The following FXR1 variants were observed in gnomAD, a reference collection of about 807,000 sequenced individuals.
FXR1 encodes FMR1 autosomal homolog 1, also known as RNA-binding protein FXR1.
A neutral mutation model predicts 84.0 loss-of-function variants in FXR1; 15 were observed. The observed-to-expected ratio is 0.18, with a 90% CI of 0.12 to 0.27. The LOEUF is 0.27. Ranked by LOEUF, FXR1 falls within the 10% of genes least tolerant of loss-of-function variation. The probability of loss-of-function intolerance (pLI) is 1.00; values close to 1 mark genes in which losing one functional copy is unlikely to be tolerated. For missense variants in FXR1, 480 were observed against 774.4 expected, an observed-to-expected ratio of 0.62 and a Z score of 4.51; for synonymous variants, 245 against 250.7, an observed-to-expected ratio of 0.98 and a Z score of 0.21.
chr3:180,915,948 T>G (rs537151868), intron 1 of FXR1, among the ~76,000 whole-genome samples: 197 of 152,352 alleles, frequency 1.3e-3, no homozygotes, highest in African/African-American at 4.6e-3. Flanking sequence ...TAGTTAGAGA[T>G]ATTAGAAACT....
chr3:180,955,269 G>T (rs974182301), intron 9 of FXR1, among the ~76,000 whole-genome samples: 2 of 152,044 alleles, frequency 1.3e-5, no homozygotes, highest in Non-Finnish European at 1.5e-5. Context: ...AAAGTGCTGG[G>T]ATTACAGGCG....
rs1369870214 is a variant in FXR1 at position 180,920,002 on chromosome 3, C to T, written c.51+7266C>T. The stretch of plus-strand genomic sequence containing the variant: ...TAATTTATGCTATCAGTGTATTTAA[C>T]TTGCCTGCCATTCTCTATCTTCAGC... On this transcript the variant is annotated intron_variant, in intron 1 of 16. Coordinates refer to ENST00000357559, the MANE Select transcript of FXR1 (RefSeq NM_005087.4). Among the ~76,000 whole-genome samples, 3 of 152,200 alleles carry T rather than the reference C, an allele frequency of 2.0e-5. No individual in the cohort carries two copies. The East Asian group carries it at 5.8e-4, about 29-fold the overall frequency.
chr3:180,919,877 A>G (rs11717953), intron 1 of FXR1, among the ~76,000 whole-genome samples: 25,986 of 150,720 alleles, frequency 0.17, 2,460 homozygotes, highest in South Asian at 0.26. Flanking sequence ...CATATTGGCC[A>G]GGCTGGTCCC....
At chr3:180,915,671 T>C in intron 1 of FXR1, 1 of 702,918 alleles carries the variant, frequency 1.4e-6, no homozygotes. Flanking sequence ...TCTTACCCCG[T>C]ATAGGCAGAA....
chr3:180,921,266 G>C (rs1718555299), intron 1 of FXR1, among the ~76,000 whole-genome samples: 1 of 151,878 alleles, frequency 6.6e-6, no homozygotes, highest in East Asian at 1.9e-4. Flanking sequence ...TATTCTGGAG[G>C]CTGAGGCAGG....
rs1357592314 is a variant in FXR1 at position 180,961,357 on chromosome 3, AAAAAAAAAAAG to A, written c.991-110_991-100del. 63 of 425,748 alleles carry A rather than the reference AAAAAAAAAAAG, an allele frequency of 1.5e-4. 1 individual carries two copies. The highest frequency in any genetic ancestry group is 7.5e-4 in the African/African-American group (23 of 30,480). The allele number at this position is 425,748 out of a possible 1,614,324, so 26.4% of individuals were successfully genotyped here. A position where few individuals can be genotyped will look rare whatever the true frequency, so the allele number is the denominator to read the frequency against. On this transcript the variant is annotated intron_variant, in intron 10 of 16. Transcript: ENST00000357559. ...GTCATCTCAAAAAAAAAAAAAAAAA[AAAAAAAAAAAG>A]GTGTGTGTGTGTGTGCCTGCCTGTC...
chr3:180,967,655 G>GT lies in FXR1; in HGVS notation c.1199-386dup, dbSNP rs995379597. On this transcript the variant is annotated intron_variant, in intron 13 of 16. Transcript: ENST00000357559. ...CTGTTGACTGCATTTCTGCACATCAGTTTTTTTTTTAACTTCCATGACTTT... is the reference window on the plus strand; with the variant it reads ...CTGTTGACTGCATTTCTGCACATCAGTTTTTTTTTTTAACTTCCATGACTTT... Among the ~76,000 whole-genome samples, 217 of 146,872 alleles carry GT rather than the reference G, an allele frequency of 1.5e-3. 1 individual carries two copies. The highest frequency in any genetic ancestry group is 2.2e-3 in the South Asian group (10 of 4,624).
At position 180,948,514 on chromosome 3, in the gene FXR1, TATTGA is replaced by T. The variant is rs1721913967; in HGVS notation, c.419+24_419+28del. The stretch of plus-strand genomic sequence containing the variant: ...GAGAGGCGTGAGTAATTTTATATAC[TATTGA>T]ATTGTTCTGTGAATTAAGAAGATTT... On this transcript the variant is annotated intron_variant, in intron 5 of 16. Transcript: ENST00000357559. 6.5e-7 allele frequency: 1 copy of T among 1,533,398 alleles called. No individual in the cohort carries two copies. The highest frequency in any genetic ancestry group is 9.0e-7 in the Non-Finnish European group (1 of 1,114,554). 95.0% of individuals were successfully genotyped at this position (1,533,398 alleles called of 1,614,324 possible). A position where few individuals can be genotyped will look rare whatever the true frequency, so the allele number is the denominator to read the frequency against.
At chr3:180,929,634 A>G (rs1719647743) in intron 1 of FXR1, among the ~76,000 whole-genome samples, 1 of 152,208 alleles carries the variant, frequency 6.6e-6, no homozygotes. Context: ...TGTGCAGACA[A>G]ATGTGGCTGT....
At chr3:180,948,693 T>A in intron 5 of FXR1, 28 bp from the exon 6 acceptor site, 1 of 1,193,022 alleles carries the variant, frequency 8.4e-7, no homozygotes, top group Non-Finnish European at 1.3e-6. Flanking sequence ...GTTATTGAGT[T>A]CTTACACATA....
At chr3:180,952,163 G>T (rs1722287508) in intron 8 of FXR1, among the ~76,000 whole-genome samples, 1 of 152,140 alleles carries the variant, frequency 6.6e-6, no homozygotes, top group Non-Finnish European at 1.5e-5. Context: ...TTGCCATGTT[G>T]CACAGGCTTG....
Position 180,933,352 on chromosome 3 carries a change from C to A in FXR1, c.70C>A (p.His24Asn), listed in dbSNP as rs1294995768. 1 of 1,574,456 alleles carries A rather than the reference C, an allele frequency of 6.4e-7. No individual in the cohort carries two copies. The highest frequency in any genetic ancestry group is 1.1e-5 in the South Asian group (1 of 89,944). ...AFYKGFIKDV[H>N]EDSLTVVFEN... ...CTTGCAGGGATTTATCAAAGATGTT[C>A]ATGAAGACTCCCTTACAGTTGTTTT... The change falls in exon 2 of 17, where the codon CAT becomes AAT. Residue 24 changes from histidine to asparagine, a missense_variant. Around this residue, in one of 6 missense-constraint regions of FXR1, gnomAD observed 54 missense variants for 74.2 expected, o/e 0.73. Coordinates refer to ENST00000357559, the MANE Select transcript of FXR1 (RefSeq NM_005087.4).
intron 1 of FXR1, among the ~76,000 whole-genome samples, chr3:180,930,550 A>G (rs973277599): frequency 1.3e-5 from 2 of 150,484 alleles, no homozygotes; most frequent in Non-Finnish European, 3.0e-5. Context: ...ACTTTGTGAG[A>G]GTTTGTTGAA....
At chr3:180,959,996 C>A (rs186045061) in intron 10 of FXR1, among the ~76,000 whole-genome samples, 2 of 152,138 alleles carry the variant, frequency 1.3e-5, no homozygotes, top group South Asian at 4.2e-4. Flanking sequence ...CTGTTAGAAA[C>A]CATTCTGTAA....
intron 15 of FXR1, among the ~76,000 whole-genome samples, chr3:180,974,500 C>G (rs1363750601): frequency 2.6e-5 from 4 of 152,190 alleles, no homozygotes; most frequent in African/African-American, 9.7e-5. Flanking sequence ...AGTCCACATA[C>G]TGTAGAACAT....
At chr3:180,939,306 G>C (rs949044802) in intron 3 of FXR1, among the ~76,000 whole-genome samples, 1 of 152,020 alleles carries the variant, frequency 6.6e-6, no homozygotes, top group Non-Finnish European at 1.5e-5. Context: ...ATATCTGATC[G>C]CCTTAGTTAT....
chr3:180,916,677 G>T (rs1170200897), intron 1 of FXR1, among the ~76,000 whole-genome samples: 1 of 152,184 alleles, frequency 6.6e-6, no homozygotes, highest in Non-Finnish European at 1.5e-5. Context: ...AAAGTGCTGG[G>T]ATTACAGGTG....
At chr3:180,942,394 A>AAAG (rs1488936641) in intron 3 of FXR1, among the ~76,000 whole-genome samples, 1 of 150,546 alleles carries the variant, frequency 6.6e-6, no homozygotes, top group African/African-American at 2.4e-5. Flanking sequence ...AAAAAAAAAA[A>AAAG]AAAAAAAAAA....
At chr3:180,916,190 C>T (rs1430164819) in intron 1 of FXR1, among the ~76,000 whole-genome samples, 1 of 152,088 alleles carries the variant, frequency 6.6e-6, no homozygotes. Context: ...TATAAAACAA[C>T]CTTTTTTAAG....
Sources: allele counts gnomAD v4.1 joint callset (sites outside exome capture counted in the v4.1 genomes callset), GRCh38; gene constraint gnomAD v4.1.1; regional missense constraint gnomAD v4.1.1; transcripts MANE v1.5; gene names NCBI Gene and HGNC (gene_info 2026-07-23, HGNC 2026-07-21).